MYO10: variants seen among roughly 807,000 people sequenced by gnomAD.
MYO10 encodes the protein myosin X.
In MYO10, 133 loss-of-function variants were observed where a neutral mutation model predicts 257.3. The observed-to-expected ratio is 0.52, with a 90% CI of 0.45 to 0.60. MYO10 has a LOEUF of 0.60. MYO10 is among the 20% of genes least tolerant of loss of function. The pLI is 0.00. For synonymous variants in MYO10, 1,104 were observed against 1,028.6 expected, an observed-to-expected ratio of 1.07 and a Z score of -1.40; for missense variants, 2,399 against 2,635.7, an observed-to-expected ratio of 0.91 and a Z score of 1.97.
chr5:16,766,154 G>A lies in MYO10; in HGVS notation c.1105C>T (p.Leu369Phe). ...AELLGLDPTQLTDALTQRSMF... is the reference protein window; with the variant it reads ...AELLGLDPTQFTDALTQRSMF... ...GATCTCTGGGTCAAAGCATCTGTGA[G>A]CTGTGTTGGGTCCAGCCCAAGTAAC... The change falls in exon 11 of 41, where the codon CTC (leucine) becomes TTC (phenylalanine). Residue 369 changes from leucine (L) to phenylalanine (F), a missense_variant. Coordinates refer to ENST00000513610, the MANE Select transcript of MYO10 (RefSeq NM_012334.3). 1.9e-6 allele frequency: 3 copies of A among 1,613,892 alleles called. No individual in the cohort carries two copies. Among genetic ancestry groups the A allele is most frequent in the Non-Finnish European group, 2.5e-6 (3 of 1,179,834 alleles).
At chr5:16,762,192 A>C in intron 15 of MYO10, 79 bp from the exon 16 acceptor site, 3 of 1,421,212 alleles carry the variant, frequency 2.1e-6, no homozygotes, top group Non-Finnish European at 2.8e-6. Flanking sequence ...TCCAGAGAAC[A>C]CTAAATACAA....
intron 19 of MYO10, among the ~76,000 whole-genome samples, chr5:16,716,033 G>A (rs952534277): frequency 1.4e-5 from 2 of 145,936 alleles, no homozygotes; most frequent in South Asian, 4.4e-4. Flanking sequence ...CCCAGCCTGG[G>A]CAACAGAGTG....
rs201467870 is a variant in MYO10 at position 16,907,515 on chromosome 5, G to GA, written c.21+28272dup. Among the ~76,000 whole-genome samples, 688 of 151,600 alleles carry GA rather than the reference G, an allele frequency of 4.5e-3. 2 individuals are homozygous for GA. The highest frequency in any genetic ancestry group is 0.015 in the African/African-American group (634 of 41,356). ...CTTTAGAGTGATTTATTGAAAAAAA[G>GA]AAAAAAAAGGTTACACAAAAGGACA... On this transcript the variant is annotated intron_variant, in intron 1 of 40. Coordinates refer to ENST00000513610, the MANE Select transcript of MYO10 (RefSeq NM_012334.3).
At chr5:16,927,438 C>T (rs1393063993) in intron 1 of MYO10, among the ~76,000 whole-genome samples, 1 of 152,138 alleles carries the variant, frequency 6.6e-6, no homozygotes. Context: ...CATTCTCCTG[C>T]CTCATCCTCC....
At chr5:16,826,838 G>A (rs546004921) in intron 2 of MYO10, among the ~76,000 whole-genome samples, 1 of 152,224 alleles carries the variant, frequency 6.6e-6, no homozygotes, top group South Asian at 2.1e-4. Flanking sequence ...CAATAACAAA[G>A]GTTGTTAAGA....
At position 16,702,571 on chromosome 5, in the gene MYO10, C is replaced by A; in HGVS notation, c.2528G>T (p.Arg843Leu). The A allele has an allele frequency of 1.3e-6, 2 of 1,587,956 alleles. No homozygotes were observed. The change falls in exon 24 of 41, where the codon CGA becomes CTA. Residue 843 changes from arginine to leucine, a missense_variant. This residue lies in a region of MYO10 where 1,820 missense variants were observed against 1,939.4 expected (regional missense o/e 0.94). Coordinates refer to ENST00000513610, the MANE Select transcript of MYO10 (RefSeq NM_012334.3). Reference protein sequence around the residue: ...EEEERERERERREAELRAQQE... With the variant: ...EEEERERERELREAELRAQQE... ...CTGGGCGCGGAGCTCGGCTTCTCTT[C>A]GCTCTCTCTCTCTTTCTCTAAAAAT...
intron 25 of MYO10, 188 bp from the exon 26 acceptor site, chr5:16,699,761 T>C (rs1436373994): frequency 6.2e-6 from 2 of 324,364 alleles, no homozygotes; most frequent in Admixed American, 1.1e-4. Context: ...CACTCCAGCC[T>C]GGGCAACAGA....
chr5:16,667,660 G>A (rs867126565), intron 40 of MYO10, among the ~76,000 whole-genome samples: 12 of 151,206 alleles, frequency 7.9e-5, no homozygotes, highest in East Asian at 3.9e-4. Context: ...CAGCTGGAAC[G>A]CCCTCCTCAA....
intron 19 of MYO10, among the ~76,000 whole-genome samples, chr5:16,727,654 T>G (rs1739423815): frequency 6.6e-6 from 1 of 152,176 alleles, no homozygotes; most frequent in South Asian, 2.1e-4. Context: ...TATAACTAAC[T>G]ACTTTCCCTA....
At chr5:16,746,538 C>T (rs1371890521) in intron 19 of MYO10, among the ~76,000 whole-genome samples, 1 of 152,178 alleles carries the variant, frequency 6.6e-6, no homozygotes, top group East Asian at 1.9e-4. Context: ...TTTGTACTAT[C>T]TTTGCAAATT....
chr5:16,805,718 T>A (rs973137502), intron 3 of MYO10, among the ~76,000 whole-genome samples: 5 of 152,192 alleles, frequency 3.3e-5, no homozygotes, highest in Admixed American at 6.5e-5. Flanking sequence ...TAATGGCTTT[T>A]CAGAAATAGG....
chr5:16,693,761 A>C (rs1349517818), intron 27 of MYO10, among the ~76,000 whole-genome samples: 1 of 152,036 alleles, frequency 6.6e-6, no homozygotes, highest in Non-Finnish European at 1.5e-5. Context: ...ACTCCCAACA[A>C]TTTTCTGGAA....
intron 9 of MYO10, among the ~76,000 whole-genome samples, chr5:16,777,808 A>G (rs1741263340): frequency 6.7e-6 from 1 of 149,126 alleles, no homozygotes; most frequent in South Asian, 2.1e-4. Context: ...TTAGAATGAT[A>G]ATGACGCCAC....
intron 19 of MYO10, among the ~76,000 whole-genome samples, chr5:16,711,993 A>G (rs1274601304): frequency 6.6e-6 from 1 of 152,024 alleles, no homozygotes; most frequent in Non-Finnish European, 1.5e-5. Context: ...CAAAGACTTT[A>G]AAGTGTCATA....
intron 17 of MYO10, 107 bp downstream of exon 17, chr5:16,761,357 C>T (rs1448296019): frequency 6.9e-6 from 6 of 869,638 alleles, no homozygotes; most frequent in Admixed American, 2.1e-5. Flanking sequence ...AAAAACAATA[C>T]TAAGTTTCTT....
intron 19 of MYO10, among the ~76,000 whole-genome samples, chr5:16,731,274 A>T (rs1239415136): frequency 6.6e-6 from 1 of 151,802 alleles, no homozygotes; most frequent in Non-Finnish European, 1.5e-5. Flanking sequence ...TGAACTCCTG[A>T]CCTCATGAGC....
intron 33 of MYO10, among the ~76,000 whole-genome samples, chr5:16,678,009 C>A (rs937999042): frequency 6.6e-6 from 1 of 152,076 alleles, no homozygotes; most frequent in African/African-American, 2.4e-5. Context: ...GATCCACCCA[C>A]CTCAGCCTCC....
At chr5:16,791,545 T>TACACACACACACACAC (rs71595985) in intron 4 of MYO10, among the ~76,000 whole-genome samples, 2 of 35,604 alleles carry the variant, frequency 5.6e-5, no homozygotes, top group Admixed American at 2.7e-4. Context: ...AATACATACA[T>TACACACACACACACAC]ACACACACAC....
At chr5:16,863,121 T>C (rs966205014) in intron 2 of MYO10, among the ~76,000 whole-genome samples, 17 of 151,908 alleles carry the variant, frequency 1.1e-4, no homozygotes, top group African/African-American at 3.9e-4. Context: ...AAGAAGAAAA[T>C]CAACAAATGG....
Sources: allele counts gnomAD v4.1 joint callset (sites outside exome capture counted in the v4.1 genomes callset), GRCh38; gene constraint gnomAD v4.1.1; regional missense constraint gnomAD v4.1.1; transcripts MANE v1.5; gene names NCBI Gene and HGNC (gene_info 2026-07-23, HGNC 2026-07-21).